HIPK2: variants seen among roughly 807,000 people sequenced by gnomAD.
HIPK2 encodes the protein homeodomain interacting protein kinase 2, also known as homeodomain-interacting protein kinase 2.
HIPK2 carries 27 observed loss-of-function variants against 113.7 expected under a neutral mutation model. The ratio of observed to expected loss-of-function variants is 0.24; its 90% CI spans 0.17 to 0.33. The LOEUF (loss-of-function observed/expected upper bound fraction) is 0.33, where lower values mean the gene tolerates loss of function less well. Ranked by LOEUF, HIPK2 falls within the 10% of genes least tolerant of loss-of-function variation. HIPK2 has a pLI of 1.00. For synonymous variants in HIPK2, 631 were observed against 642.2 expected (o/e 0.98, Z 0.26); for missense variants, 1,257 against 1,588.0 (o/e 0.79, Z 3.54).
chr7:139,774,361 T>C (rs1450298885), intron 1 of HIPK2, among the ~76,000 whole-genome samples: 2 of 152,218 alleles, frequency 1.3e-5, no homozygotes, highest in African/African-American at 4.8e-5. Context: ...CTGATTCAAG[T>C]ATCATAGCAC....
chr7:139,585,784 C>T (rs1798814187), intron 12 of HIPK2, among the ~76,000 whole-genome samples: 1 of 152,088 alleles, frequency 6.6e-6, no homozygotes, highest in Non-Finnish European at 1.5e-5. Context: ...AACAGGTTTG[C>T]AAAAAACTTA....
intron 1 of HIPK2, among the ~76,000 whole-genome samples, chr7:139,732,083 T>C (rs1203103571): frequency 6.6e-6 from 1 of 152,102 alleles, no homozygotes; most frequent in African/African-American, 2.4e-5. Context: ...GCAAGTGAAA[T>C]TATATTGGAG....
intron 1 of HIPK2, among the ~76,000 whole-genome samples, chr7:139,767,142 G>A (rs1432542126): frequency 1.3e-5 from 2 of 152,182 alleles, no homozygotes; most frequent in Non-Finnish European, 2.9e-5. Flanking sequence ...CTGACTTTTT[G>A]TTCTGAATGT....
intron 13 of HIPK2, among the ~76,000 whole-genome samples, chr7:139,583,214 TA>T (rs1585236549): frequency 6.6e-6 from 1 of 152,258 alleles, no homozygotes; most frequent in African/African-American, 2.4e-5. Context: ...CCACTGAGTT[TA>T]TTCAGAAGGT....
chr7:139,744,482 AT>A lies in HIPK2; in HGVS notation c.20-27468del, dbSNP rs1459842123. ...TTTTGGGATGATGGAATGTTCTGGAATTGGACAGTGGTGCCTGATGTACAAC... is the reference window on the plus strand; with the variant it reads ...TTTTGGGATGATGGAATGTTCTGGAATGGACAGTGGTGCCTGATGTACAAC... On this transcript the variant is annotated intron_variant, in intron 1 of 14. Transcript: ENST00000406875. Among the ~76,000 whole-genome samples, 17 of 152,340 alleles carry A rather than the reference AT, an allele frequency of 1.1e-4. No homozygotes were observed. The East Asian group carries it at 1.4e-3, about 12-fold the overall frequency.
intron 2 of HIPK2, among the ~76,000 whole-genome samples, chr7:139,670,755 CTTTCTTT>C (rs1288857571): frequency 5.4e-5 from 2 of 37,032 alleles, no homozygotes; most frequent in African/African-American, 2.4e-4. Flanking sequence ...TTCTTTCTTT[CTTTCTTT>C]TTTTTTTTTT....
Position 139,572,898 on chromosome 7 carries a change from T to TGCCCG in HIPK2, c.*28_*29insCGGGC. On this transcript the variant is annotated 3_prime_UTR_variant, in exon 15 of 15. Coordinates refer to ENST00000406875, the MANE Select transcript of HIPK2 (RefSeq NM_022740.5). ...CTCCTCCCTCGGGCCATTCTCTCCC[T>TGCCCG]CCCTCCCTCCCTCCCTCCCCTCCAG... 2.5e-6 allele frequency: 1 copy of TGCCCG among 407,280 alleles called. No individual in the cohort carries two copies. Among genetic ancestry groups the TGCCCG allele is most frequent in the Non-Finnish European group, 4.8e-6 (1 of 206,378 alleles). The allele number at this position is 407,280 out of a possible 1,614,324, so 25.2% of individuals were successfully genotyped here.
chr7:139,628,473 G>C (rs1286472101), intron 5 of HIPK2, among the ~76,000 whole-genome samples: 1 of 152,114 alleles, frequency 6.6e-6, no homozygotes, highest in South Asian at 2.1e-4. Context: ...ATGGAGTTTT[G>C]ATCTTGTTGT....
chr7:139,714,496 G>A lies in HIPK2; in HGVS notation c.1103+1436C>T, dbSNP rs917646395. On this transcript the variant is annotated intron_variant, in intron 2 of 14. Transcript: ENST00000406875. This position sits in a 1 kb window ranked among gnomAD's most constrained non-coding sequence, Gnocchi z 4.2. ...GCCAGGATGGGGGCCCGGACAGGGAGCAAGAAGGGGAAGCTGGCCCAGGTC... is the reference window on the plus strand; with the variant it reads ...GCCAGGATGGGGGCCCGGACAGGGAACAAGAAGGGGAAGCTGGCCCAGGTC... Among the ~76,000 whole-genome samples, 6 of 152,262 alleles carry A rather than the reference G, an allele frequency of 3.9e-5. No individual in the cohort carries two copies. The highest frequency in any genetic ancestry group is 1.4e-4 in the African/African-American group (6 of 41,568).
chr7:139,673,805 T>C (rs1184551785), intron 2 of HIPK2, among the ~76,000 whole-genome samples: 2 of 148,842 alleles, frequency 1.3e-5, no homozygotes, highest in East Asian at 2.0e-4. Flanking sequence ...CCCAGCACTT[T>C]GGGAGGGTGA....
chr7:139,755,305 A>C (rs1796345074), intron 1 of HIPK2, among the ~76,000 whole-genome samples: 1 of 152,242 alleles, frequency 6.6e-6, no homozygotes, highest in African/African-American at 2.4e-5. Flanking sequence ...TGGGGCAGAA[A>C]TACAGAAAGA....
intron 1 of HIPK2, among the ~76,000 whole-genome samples, chr7:139,776,465 T>C (rs759055947): frequency 5.3e-5 from 8 of 151,992 alleles, no homozygotes; most frequent in Non-Finnish European, 8.8e-5. Flanking sequence ...AAACTATTAA[T>C]GCCTTCCCTG....
At chr7:139,752,895 C>T (rs1054370497) in intron 1 of HIPK2, among the ~76,000 whole-genome samples, 7 of 152,166 alleles carry the variant, frequency 4.6e-5, no homozygotes, top group African/African-American at 7.2e-5. Context: ...TGGACTTCTG[C>T]ACATTAGATG....
At chr7:139,638,867 T>C (rs10480889) in intron 2 of HIPK2, among the ~76,000 whole-genome samples, 33,784 of 151,926 alleles carry the variant, frequency 0.22, 6,238 homozygotes, top group African/African-American at 0.51. Flanking sequence ...CCATGTTAGC[T>C]AGGATGGTCT....
intron 9 of HIPK2, among the ~76,000 whole-genome samples, chr7:139,605,855 G>A (rs918773409): frequency 1.3e-5 from 2 of 152,094 alleles, no homozygotes; most frequent in Admixed American, 6.5e-5. Flanking sequence ...CACAGAAAGC[G>A]GAAACATAAT....
At chr7:139,718,178 C>CA (rs2116960061) in intron 1 of HIPK2, among the ~76,000 whole-genome samples, 1 of 152,212 alleles carries the variant, frequency 6.6e-6, no homozygotes, top group Admixed American at 6.5e-5. Flanking sequence ...ATATATTAAG[C>CA]AAAAATAATA....
chr7:139,564,775 TTAAC>T lies in HIPK2; in HGVS notation c.*8148_*8151del, dbSNP rs1229145528. The T allele has an allele frequency of 9.2e-5, 14 of 152,344 alleles. No homozygotes were observed. The South Asian group carries it at 2.9e-3, about 32-fold the overall frequency. 9.4% of individuals were successfully genotyped at this position (152,344 alleles called of 1,614,324 possible). On this transcript the variant is annotated 3_prime_UTR_variant, in exon 15 of 15. Transcript: ENST00000406875. ...GTCTAAATGTAAACTATAAAACACT[TTAAC>T]TATAAAACGTAGCCAGAAATATGCT...
intron 7 of HIPK2, among the ~76,000 whole-genome samples, chr7:139,615,668 G>T (rs1264209308): frequency 6.6e-6 from 1 of 152,198 alleles, no homozygotes; most frequent in Non-Finnish European, 1.5e-5. Flanking sequence ...GGAATACATA[G>T]GAAGAAACCA....
At chr7:139,604,683 C>CAAAAAAAAAA (rs11353760) in intron 9 of HIPK2, among the ~76,000 whole-genome samples, 1 of 48,768 alleles carries the variant, frequency 2.1e-5, no homozygotes, top group African/African-American at 7.7e-5. Context: ...GACTCCGTCT[C>CAAAAAAAAAA]AAAAAAAAAA....
Sources: gnomAD v4.1 joint callset for allele counts (sites outside exome capture counted in the v4.1 genomes callset) on GRCh38, gnomAD v4.1.1 for gene constraint, Gnocchi (gnomAD v3.1) non-coding constraint, MANE v1.5 for transcripts, NCBI Gene and HGNC (gene_info 2026-07-23, HGNC 2026-07-21) for gene names.